ADAMTS20: variants seen among roughly 807,000 people sequenced by gnomAD.
The protein encoded by ADAMTS20 is A disintegrin and metalloproteinase with thrombospondin motifs 20.
ADAMTS20 carries 225 observed loss-of-function variants against 260.1 expected under a neutral mutation model. The observed-to-expected ratio is 0.87, with a 90% CI of 0.78 to 0.97. ADAMTS20 has a LOEUF of 0.97. Ranked by LOEUF, ADAMTS20 falls within the 50% of genes least tolerant of loss-of-function variation. The pLI, the probability that ADAMTS20 is intolerant of heterozygous loss-of-function variation, is 0.00. For missense variants in ADAMTS20, 2,400 were observed against 2,337.7 expected (o/e 1.03, Z -0.55); for synonymous variants, 802 against 769.5 (o/e 1.04, Z -0.70).
intron 28 of ADAMTS20, among the ~76,000 whole-genome samples, chr12:43,402,818 T>C (rs1366363358): frequency 6.6e-6 from 1 of 152,118 alleles, no homozygotes; most frequent in African/African-American, 2.4e-5. Context: ...AAAAGACTTT[T>C]TCTCAAAAAT....
At chr12:43,371,122 C>T (rs913578051) in intron 36 of ADAMTS20, among the ~76,000 whole-genome samples, 10 of 152,202 alleles carry the variant, frequency 6.6e-5, no homozygotes, top group African/African-American at 2.4e-4. Flanking sequence ...GCTACCATCC[C>T]CCAACCTACA....
intron 14 of ADAMTS20, 75 bp downstream of exon 14, chr12:43,452,199 T>A (rs1210851896): frequency 7.0e-7 from 1 of 1,420,596 alleles, no homozygotes; most frequent in Non-Finnish European, 9.5e-7. Flanking sequence ...AAAGTAATAT[T>A]TGGTTATATA....
At chr12:43,387,491 T>G (rs888267306) in intron 29 of ADAMTS20, among the ~76,000 whole-genome samples, 2 of 152,176 alleles carry the variant, frequency 1.3e-5, no homozygotes, top group African/African-American at 4.8e-5. Context: ...GAGGAGGCAT[T>G]CTGTCCCTTA....
chr12:43,405,417 CTAA>C (rs66970122), intron 28 of ADAMTS20, among the ~76,000 whole-genome samples: 22,707 of 135,362 alleles, frequency 0.17, 2,306 homozygotes, highest in African/African-American at 0.29. Context: ...GACGTCTTCT[CTAA>C]TAATAATAAT....
chr12:43,533,527 ATATCG>A (rs1943254872), intron 2 of ADAMTS20, among the ~76,000 whole-genome samples: 1 of 59,790 alleles, frequency 1.7e-5, no homozygotes, highest in Non-Finnish European at 3.8e-5. Context: ...GGAAGAATCA[ATATCG>A]TGAAAATGGC....
Position 43,468,595 on chromosome 12 carries a change from CTT to C in ADAMTS20, c.1223+3_1223+4del. ...CACATTAAGGAGGTGACAGAAGGTA[CTT>C]ACGTGTGCCCAAGCTCATGGGCTAT... On this transcript the variant is annotated splice_donor_region_variant and intron_variant, in intron 8 of 38. Coordinates refer to ENST00000389420, the MANE Select transcript of ADAMTS20 (RefSeq NM_025003.5). 1 of 1,568,152 alleles carries C rather than the reference CTT, an allele frequency of 6.4e-7. No individual in the cohort carries two copies.
chr12:43,440,940 C>T (rs929042503), intron 16 of ADAMTS20, among the ~76,000 whole-genome samples: 45 of 152,168 alleles, frequency 3.0e-4, no homozygotes, highest in African/African-American at 1.1e-3. Context: ...TGGCGGGCGC[C>T]TGTAGTCCCA....
At chr12:43,417,636 G>A (rs1941155984) in intron 28 of ADAMTS20, among the ~76,000 whole-genome samples, 1 of 152,138 alleles carries the variant, frequency 6.6e-6, no homozygotes, top group Admixed American at 6.5e-5. Flanking sequence ...TTCCTCATAA[G>A]TATCAGAGTT....
chr12:43,537,440 T>C (rs1265400014), intron 2 of ADAMTS20, among the ~76,000 whole-genome samples: 1 of 152,142 alleles, frequency 6.6e-6, no homozygotes, highest in Non-Finnish European at 1.5e-5. Flanking sequence ...AGGCATACAA[T>C]GTGAAATAAG....
Position 43,509,690 on chromosome 12 carries a change from G to A in ADAMTS20, c.614-7285C>T, listed in dbSNP as rs138756689. On this transcript the variant is annotated intron_variant, in intron 3 of 38. Coordinates refer to ENST00000389420, the MANE Select transcript of ADAMTS20 (RefSeq NM_025003.5). ...GGTTGCTTCAGGTAAGGGGAGGCAAGTGAACAAAATGGGTGACGGAAGTGA... is the reference window on the plus strand; with the variant it reads ...GGTTGCTTCAGGTAAGGGGAGGCAAATGAACAAAATGGGTGACGGAAGTGA... Among the ~76,000 whole-genome samples, 128 of 152,198 alleles carry A rather than the reference G, an allele frequency of 8.4e-4. 2 individuals are homozygous for A. Among genetic ancestry groups the A allele is most frequent in the African/African-American group, 2.7e-3 (113 of 41,558 alleles).
chr12:43,431,134 T>C (rs1941434213), intron 22 of ADAMTS20, among the ~76,000 whole-genome samples, 198 bp downstream of exon 22: 1 of 152,242 alleles, frequency 6.6e-6, no homozygotes, highest in Non-Finnish European at 1.5e-5. Context: ...AAAGCAAAGC[T>C]GAAATATTTA....
At chr12:43,421,433 T>C (rs1941236985) in intron 28 of ADAMTS20, among the ~76,000 whole-genome samples, 2 of 152,114 alleles carry the variant, frequency 1.3e-5, no homozygotes, top group Admixed American at 1.3e-4. Flanking sequence ...CCAAATATGA[T>C]TTCATTCTAT....
At chr12:43,468,239 G>C (rs1942190621) in intron 8 of ADAMTS20, among the ~76,000 whole-genome samples, 1 of 152,196 alleles carries the variant, frequency 6.6e-6, no homozygotes, top group South Asian at 2.1e-4. Flanking sequence ...ATATTTGGGG[G>C]AGTCCCCCAG....
At chr12:43,528,755 T>C (rs926761510) in intron 3 of ADAMTS20, among the ~76,000 whole-genome samples, 1 of 152,034 alleles carries the variant, frequency 6.6e-6, no homozygotes, top group African/African-American at 2.4e-5. Context: ...AGGCAAAGAA[T>C]TTATGACTAA....
At chr12:43,429,579 T>C in intron 24 of ADAMTS20, 38 bp downstream of exon 24, 1 of 1,422,706 alleles carries the variant, frequency 7.0e-7, no homozygotes, top group Non-Finnish European at 9.6e-7. Context: ...AAAGCTACCA[T>C]AATAGAAACA....
At chr12:43,388,363 A>G (rs1434272557) in intron 29 of ADAMTS20, among the ~76,000 whole-genome samples, 1 of 152,072 alleles carries the variant, frequency 6.6e-6, no homozygotes, top group Non-Finnish European at 1.5e-5. Context: ...GGCTGTACCC[A>G]CTGTCTAACC....
chr12:43,451,610 A>G (rs1941865134), intron 14 of ADAMTS20, among the ~76,000 whole-genome samples: 1 of 152,144 alleles, frequency 6.6e-6, no homozygotes, highest in South Asian at 2.1e-4. Context: ...TATGCGCTCC[A>G]TAAAAGGTTC....
intron 7 of ADAMTS20, among the ~76,000 whole-genome samples, chr12:43,488,979 C>G (rs1288714874): frequency 6.6e-6 from 1 of 151,968 alleles, no homozygotes; most frequent in Non-Finnish European, 1.5e-5. Context: ...ACTGCAATTA[C>G]CTTTCAGTTA....
chr12:43,355,326 T>C (rs1939721618), intron 38 of ADAMTS20, among the ~76,000 whole-genome samples: 1 of 152,214 alleles, frequency 6.6e-6, no homozygotes, highest in South Asian at 2.1e-4. Context: ...TGTTTGCATT[T>C]CTGTAAGTAT....
Sources: gnomAD v4.1 joint callset for allele counts (sites outside exome capture counted in the v4.1 genomes callset) on GRCh38, gnomAD v4.1.1 for gene constraint, MANE v1.5 for transcripts, NCBI Gene and HGNC (gene_info 2026-07-23, HGNC 2026-07-21) for gene names.